MUC5AC: variants seen among roughly 807,000 people sequenced by gnomAD.
MUC5AC encodes mucin 5AC, oligomeric mucus/gel-forming, also known as mucin-5AC.
In MUC5AC, 158 loss-of-function variants were observed where a neutral mutation model predicts 169.7. That is an observed-to-expected ratio of 0.93 (90% confidence interval 0.82 to 1.06). MUC5AC has a LOEUF of 1.06. MUC5AC is among the 50% of genes least tolerant of loss of function. MUC5AC has a pLI of 0.00. For synonymous variants in MUC5AC, 1,975 were observed against 1,237.0 expected (o/e 1.60, Z -12.52); for missense variants, 4,359 against 3,089.9 (o/e 1.41, Z -9.74).
rs1176427898 is a variant in MUC5AC, at chr11:1,162,547, C to T, written c.489C>T (p.Phe163=). Residue 163 remains phenylalanine, a synonymous_variant, in exon 5 of 49, where the codon TTC becomes TTT. Coordinates refer to ENST00000621226, the MANE Select transcript of MUC5AC (RefSeq NM_001304359.2). ...TCCTCCACAGGGTCCTGCTGCCCTT[C>T]AGCCAGTCTGGGGTCCTCATTCAGC... ...LVNGHPVLLP[F]SQSGVLIQQS... is the part of the protein sequence containing the mutation. The T allele has an allele frequency of 6.2e-7, 1 of 1,612,668 alleles. No homozygotes were observed. The highest frequency in any genetic ancestry group is 8.5e-7 in the Non-Finnish European group (1 of 1,179,826).
intron 15 of MUC5AC, among the ~76,000 whole-genome samples, chr11:1,170,905 C>T (rs1860493377): frequency 1.4e-5 from 2 of 141,308 alleles, no homozygotes; most frequent in Non-Finnish European, 3.1e-5. Flanking sequence ...CACTCACCCA[C>T]TCACTCACCT....
chr11:1,198,798 C>T, intron 43 of MUC5AC, 76 bp from the exon 44 acceptor site: 1 of 670,166 alleles, frequency 1.5e-6, no homozygotes, highest in Non-Finnish European at 2.7e-6. Flanking sequence ...TTGGGGGCAG[C>T]AAGCCAGTGG....
intron 25 of MUC5AC, 56 bp downstream of exon 25, chr11:1,178,739 A>T (rs1420335731): frequency 2.1e-6 from 2 of 937,784 alleles, no homozygotes; most frequent in Admixed American, 4.2e-5. Context: ...TGACCCAAGG[A>T]GCCCCCAGAA....
intron 30 of MUC5AC, among the ~76,000 whole-genome samples, chr11:1,181,899 C>G (rs1860823432): frequency 6.6e-6 from 1 of 152,244 alleles, no homozygotes; most frequent in African/African-American, 2.4e-5. Flanking sequence ...AGCTCTGGAA[C>G]TCACGTGTTC....
intron 34 of MUC5AC, 57 bp downstream of exon 34, chr11:1,194,417 G>C (rs570809478): frequency 1.4e-6 from 1 of 711,230 alleles, no homozygotes; most frequent in Admixed American, 1.9e-5. Flanking sequence ...TTCCCGGCAA[G>C]AGCCTGAGCA....
chr11:1,195,806 G>A (rs1861256450), intron 36 of MUC5AC, 70 bp from the exon 37 acceptor site: 1 of 722,636 alleles, frequency 1.4e-6, no homozygotes, highest in Non-Finnish European at 2.5e-6. Flanking sequence ...CCTGAAGCCT[G>A]GGAGCCTGAC....
Position 1,186,034 on chromosome 11 carries a change from C to G in MUC5AC, c.7889C>G (p.Ser2630Cys), listed in dbSNP as rs1860935223. Residue 2630 changes from serine to cysteine, a missense_variant, in exon 31 of 49, where the codon TCT becomes TGT. Physicochemically the swap from Ser to Cys is moderately radical, Grantham distance 112. Coordinates refer to ENST00000621226, the MANE Select transcript of MUC5AC (RefSeq NM_001304359.2). ...TCTGCCACTACAACCAGCAGAATCT[C>G]TGGTCCTGAAACTACTCCCAGCCCT... ...TTSATTTSRI[S>C]GPETTPSPVP... 1.4e-6 allele frequency: 1 copy of G among 733,564 alleles called. No homozygotes were observed. The highest frequency in any genetic ancestry group is 2.5e-6 in the Non-Finnish European group (1 of 401,540). The allele number at this position is 733,564 out of a possible 1,614,324, so 45.4% of individuals were successfully genotyped here.
chr11:1,163,251 C>T (rs1245007024), intron 6 of MUC5AC, among the ~76,000 whole-genome samples: 1 of 152,246 alleles, frequency 6.6e-6, no homozygotes, highest in African/African-American at 2.4e-5. Context: ...GAGCAAATCG[C>T]CCATTGGGCC....
intron 36 of MUC5AC, 94 bp downstream of exon 36, chr11:1,195,373 G>A (rs1241556127): frequency 2.9e-6 from 2 of 697,462 alleles, no homozygotes; most frequent in Non-Finnish European, 5.3e-6. Flanking sequence ...TTTTCAGGGG[G>A]CTCCTGAGAG....
At chr11:1,170,159 T>TCACC (rs1860461280) in intron 15 of MUC5AC, among the ~76,000 whole-genome samples, 1 of 39,764 alleles carries the variant, frequency 2.5e-5, no homozygotes. Context: ...ATTCACCCAT[T>TCACC]CACTCACTCA....
chr11:1,171,463 ACCCC>A (rs1860530217), intron 15 of MUC5AC, among the ~76,000 whole-genome samples: 61 of 102,412 alleles, frequency 6.0e-4, no homozygotes, highest in African/African-American at 2.3e-3. Context: ...TCACCCATTC[ACCCC>A]CTCACTCACC....
intron 24 of MUC5AC, among the ~76,000 whole-genome samples, chr11:1,178,156 CAGGA>C (rs1860730385): frequency 6.6e-6 from 1 of 152,260 alleles, no homozygotes; most frequent in African/African-American, 2.4e-5. Flanking sequence ...GCGCCGGGGT[CAGGA>C]CTTAGGCGGG....
Position 1,177,485 on chromosome 11 carries a change from T to C in MUC5AC, c.2939T>C (p.Val980Ala). The change falls in exon 24 of 49, where the codon GTG becomes GCG. Residue 980 changes from valine to alanine, a missense_variant. Val to Ala is a moderately conservative substitution (Grantham distance 64). Transcript: ENST00000621226. ...GAGCTGAAGCTAAGCCATGGGAAGG[T>C]GGAGGTGATCGGGACGGACGAGAGC... Reference protein sequence around the residue: ...GFELKLSHGKVEVIGTDESQE... With the variant: ...GFELKLSHGKAEVIGTDESQE... 1 of 398,488 alleles carries C rather than the reference T, an allele frequency of 2.5e-6. No individual in the cohort carries two copies. Among genetic ancestry groups the C allele is most frequent in the Non-Finnish European group, 4.4e-6 (1 of 226,120 alleles). 24.7% of individuals were successfully genotyped at this position (398,488 alleles called of 1,614,324 possible).
rs755939669 is a variant in MUC5AC, at chr11:1,162,029, G to A, written c.334G>A (p.Gly112Ser). 4 of 1,612,460 alleles carry A rather than the reference G, an allele frequency of 2.5e-6. No homozygotes were observed. Among genetic ancestry groups the A allele is most frequent in the East Asian group, 2.2e-5 (1 of 44,884 alleles). ...LCNYVFSEHC[G>S]AAYEDFNIQL... ...CAACTACGTGTTCTCCGAGCACTGC[G>A]GTGCCGCCTACGAGGATTTTAACAT... The change falls in exon 4 of 49, where the codon GGT (glycine) becomes AGT (serine). Residue 112 changes from glycine to serine, a missense_variant. Coordinates refer to ENST00000621226, the MANE Select transcript of MUC5AC (RefSeq NM_001304359.2).
rs1362961166 is a variant in MUC5AC, at chr11:1,199,961, C to T, written c.16692C>T (p.Ser5564=). Residue 5564 remains serine (S), a synonymous_variant, in exon 48 of 49, where the codon AGC becomes AGT. Coordinates refer to ENST00000621226, the MANE Select transcript of MUC5AC (RefSeq NM_001304359.2). ...ACTGCCGGGGGAACTGTGGGGACAG[C>T]TCTTCCATGTACGTGCCTGGGCAGC... ...LAYCRGNCGD[S]SSMYSLEGNT... 2 of 762,090 alleles carry T rather than the reference C, an allele frequency of 2.6e-6. No individual in the cohort carries two copies. The highest frequency in any genetic ancestry group is 4.8e-6 in the Non-Finnish European group (2 of 416,704). 47.2% of individuals were successfully genotyped at this position (762,090 alleles called of 1,614,324 possible).
Position 1,163,897 on chromosome 11 carries a change from C to A in MUC5AC, c.695C>A (p.Pro232His). The A allele has an allele frequency of 6.2e-7, 1 of 1,608,716 alleles. No individual in the cohort carries two copies. Among genetic ancestry groups the A allele is most frequent in the Admixed American group, 1.7e-5 (1 of 59,508 alleles). The change falls in exon 7 of 49, where the codon CCC (proline) becomes CAC (histidine). Residue 232 changes from proline (P) to histidine (H), a missense_variant. Transcript: ENST00000621226. Reference sequence around the variant, plus strand: ...CTTGCCGCAGACACCAAGCTGACACCCATGGAATTCGGGAACCTGCAGAAG... The same window carrying A: ...CTTGCCGCAGACACCAAGCTGACACACATGGAATTCGGGAACCTGCAGAAG... ...ELLSHNTKLT[P>H]MEFGNLQKMD... is the part of the protein sequence containing the mutation.
intron 6 of MUC5AC, 80 bp downstream of exon 6, chr11:1,163,125 A>G (rs1172012901): frequency 6.8e-6 from 9 of 1,321,994 alleles, no homozygotes; most frequent in Middle Eastern, 2.0e-4. Context: ...ACCCTCTGAC[A>G]CTCCGGGCAC....
rs2133772445 is a variant in MUC5AC at position 1,194,247 on chromosome 11, T to C, written c.14893T>C (p.Tyr4965His). The C allele has an allele frequency of 1.3e-6, 1 of 764,808 alleles. No individual in the cohort carries two copies. Among genetic ancestry groups the C allele is most frequent in the East Asian group, 2.4e-5 (1 of 41,234 alleles). 47.4% of individuals were successfully genotyped at this position (764,808 alleles called of 1,614,324 possible). A position where few individuals can be genotyped will look rare whatever the true frequency, so the allele number is the denominator to read the frequency against. Residue 4965 changes from tyrosine to histidine, a missense_variant, in exon 34 of 49, where the codon TAC becomes CAC. Tyr to His is a moderately conservative substitution (Grantham distance 83). Transcript: ENST00000621226. The stretch of plus-strand genomic sequence containing the variant: ...CCACTTCCGCGTGCTCGTCGACAAC[T>C]ACTTCTGCGGTGCGGAGGACGGGCT... ...YGHFRVLVDN[Y>H]FCGAEDGLSC... is the part of the protein sequence containing the mutation.
At position 1,176,576 on chromosome 11, in the gene MUC5AC, C is replaced by A; in HGVS notation, c.2565C>A (p.Gly855=). ...CPDGLVADGE[G]GCITAEDCPC... ...ACGGGCTGGTGGCGGACGGCGAGGG[C>A]GGCTGCATCACTGCGGAGGACTGCC... Residue 855 remains glycine (G), a synonymous_variant, in exon 21 of 49, where the codon GGC becomes GGA. Transcript: ENST00000621226. 2.5e-6 allele frequency: 1 copy of A among 399,796 alleles called. No individual in the cohort carries two copies. Among genetic ancestry groups the A allele is most frequent in the Non-Finnish European group, 4.4e-6 (1 of 226,984 alleles). The allele number at this position is 399,796 out of a possible 1,614,324, so 24.8% of individuals were successfully genotyped here. A position where few individuals can be genotyped will look rare whatever the true frequency, so the allele number is the denominator to read the frequency against.
Sources: allele counts gnomAD v4.1 joint callset (sites outside exome capture counted in the v4.1 genomes callset), GRCh38; gene constraint gnomAD v4.1.1; transcripts MANE v1.5; gene names NCBI Gene and HGNC (gene_info 2026-07-23, HGNC 2026-07-21).